Variants in SPEF2 observed in about 807,000 individuals in gnomAD.
SPEF2 encodes the protein sperm flagella and cilia-associated protein 2.
Under a neutral mutation model 224.6 loss-of-function variants are expected in SPEF2, and 187 were observed. The ratio of observed to expected loss-of-function variants is 0.83; its 90% CI spans 0.74 to 0.94. SPEF2 has a LOEUF of 0.94. Ranked by LOEUF, SPEF2 falls within the 40% of genes least tolerant of loss-of-function variation. SPEF2 has a pLI of 0.00. For synonymous variants in SPEF2, 715 were observed against 707.3 expected (o/e 1.01, Z -0.17); for missense variants, 2,170 against 2,135.6 (o/e 1.02, Z -0.32).
chr5:35,780,249 AAT>A (rs1754140889), intron 30 of SPEF2, among the ~76,000 whole-genome samples: 1 of 152,220 alleles, frequency 6.6e-6, no homozygotes, highest in Non-Finnish European at 1.5e-5. Flanking sequence ...GTATTAATAC[AAT>A]GTTACTTTTT....
At chr5:35,637,631 C>G (rs1310720909) in intron 2 of SPEF2, among the ~76,000 whole-genome samples, 1 of 151,874 alleles carries the variant, frequency 6.6e-6, no homozygotes, top group Non-Finnish European at 1.5e-5. Context: ...CCCTTTTTTG[C>G]TAATCCCATC....
chr5:35,658,965 C>T (rs1749326891), intron 7 of SPEF2, 54 bp from the exon 8 acceptor site: 2 of 1,404,002 alleles, frequency 1.4e-6, no homozygotes, highest in Admixed American at 2.4e-5. Flanking sequence ...GGCTTCGTAG[C>T]TCAGCGGGAA....
At chr5:35,683,628 A>G (rs1267760818) in intron 10 of SPEF2, among the ~76,000 whole-genome samples, 1 of 152,170 alleles carries the variant, frequency 6.6e-6, no homozygotes, top group Non-Finnish European at 1.5e-5. Flanking sequence ...TCGTCTCAAA[A>G]CAAACAAACA....
chr5:35,715,381 T>TA (rs1307620189), intron 20 of SPEF2, among the ~76,000 whole-genome samples: 33 of 148,960 alleles, frequency 2.2e-4, no homozygotes, highest in East Asian at 1.6e-3. Context: ...CTTCCAGTTT[T>TA]AAAAAAAAAA....
chr5:35,751,011 A>G (rs1216110680), intron 23 of SPEF2, among the ~76,000 whole-genome samples: 11 of 113,292 alleles, frequency 9.7e-5, no homozygotes, highest in African/African-American at 4.1e-4. Flanking sequence ...ATATATATAT[A>G]CGTATATATA....
In SPEF2 at chr5:35,761,614, T is replaced by G. The variant is rs192206808; in HGVS notation, c.3620+1895T>G. ...AAGAATATCTAAGAGTAAAAATGTGTCCCCTCTTTTTGACACAAATAGAAG... is the reference window on the plus strand; with the variant it reads ...AAGAATATCTAAGAGTAAAAATGTGGCCCCTCTTTTTGACACAAATAGAAG... On this transcript the variant is annotated intron_variant, in intron 25 of 36. Coordinates refer to ENST00000356031, the MANE Select transcript of SPEF2 (RefSeq NM_024867.4). Among the ~76,000 whole-genome samples the G allele has an allele frequency of 4.6e-5, 7 of 152,104 alleles. No homozygotes were observed. The East Asian group carries it at 1.2e-3, about 25-fold the overall frequency.
At chr5:35,675,421 T>C (rs899585782) in intron 10 of SPEF2, among the ~76,000 whole-genome samples, 2 of 152,226 alleles carry the variant, frequency 1.3e-5, no homozygotes, top group African/African-American at 4.8e-5. Context: ...GCAATTTCTT[T>C]TCTCATTTGT....
At chr5:35,654,419 A>G (rs1368275253) in intron 6 of SPEF2, 121 bp from the exon 7 acceptor site, 1 of 718,480 alleles carries the variant, frequency 1.4e-6, no homozygotes, top group Non-Finnish European at 2.1e-6. Flanking sequence ...CAATGCTTGT[A>G]TTAATAAATT....
At chr5:35,731,816 A>C (rs1393207683) in intron 21 of SPEF2, among the ~76,000 whole-genome samples, 2 of 152,172 alleles carry the variant, frequency 1.3e-5, no homozygotes, top group Non-Finnish European at 2.9e-5. Flanking sequence ...AGCTCTGAGC[A>C]CCTCATTACA....
intron 31 of SPEF2, 120 bp from the exon 32 acceptor site, chr5:35,793,039 A>G (rs1756171298): frequency 1.4e-5 from 12 of 827,778 alleles, no homozygotes; most frequent in Non-Finnish European, 2.1e-5. Context: ...AACTGATTCT[A>G]TGTGCCAGTG....
In SPEF2 at chr5:35,793,311, G is replaced by A. The variant is rs1445998876; in HGVS notation, c.4707G>A (p.Leu1569=). The A allele has an allele frequency of 1.9e-6, 3 of 1,613,834 alleles. No individual in the cohort carries two copies. Among genetic ancestry groups the A allele is most frequent in the Non-Finnish European group, 2.5e-6 (3 of 1,179,902 alleles). The change falls in exon 32 of 37, where the codon TTG becomes TTA. Residue 1569 remains leucine (L), a synonymous_variant. Coordinates refer to ENST00000356031, the MANE Select transcript of SPEF2 (RefSeq NM_024867.4). Reference sequence around the variant, plus strand: ...TCAAGGCTGTGGATAAGGAGCAGTTGGGCACCATCACTTTTGAGCAGTATA... The same window carrying A: ...TCAAGGCTGTGGATAAGGAGCAGTTAGGCACCATCACTTTTGAGCAGTATA... The part of the protein sequence containing the change: ...QKFKAVDKEQ[L]GTITFEQYMQ...
intron 7 of SPEF2, among the ~76,000 whole-genome samples, chr5:35,658,246 G>GT (rs929266401): frequency 4.6e-5 from 7 of 151,972 alleles, no homozygotes; most frequent in Admixed American, 3.3e-4. Flanking sequence ...CCAGTTTAAT[G>GT]TTTTTTTTCC....
intron 2 of SPEF2, among the ~76,000 whole-genome samples, chr5:35,635,433 C>A (rs1745699772): frequency 6.6e-6 from 1 of 152,106 alleles, no homozygotes; most frequent in South Asian, 2.1e-4. Flanking sequence ...ATAACTTTAC[C>A]ATGAAATATC....
chr5:35,744,274 T>C (rs931300173), intron 23 of SPEF2, among the ~76,000 whole-genome samples: 1 of 152,232 alleles, frequency 6.6e-6, no homozygotes, highest in African/African-American at 2.4e-5. Flanking sequence ...CAATTAATAG[T>C]TATGAATCTC....
chr5:35,667,598 G>A (rs542639608), intron 9 of SPEF2, among the ~76,000 whole-genome samples: 1 of 152,192 alleles, frequency 6.6e-6, no homozygotes, highest in East Asian at 1.9e-4. Flanking sequence ...GACACCAAAA[G>A]CATGATCCAT....
At chr5:35,733,569 GT>G (rs1561278392) in intron 21 of SPEF2, among the ~76,000 whole-genome samples, 1 of 152,214 alleles carries the variant, frequency 6.6e-6, no homozygotes, top group African/African-American at 2.4e-5. Context: ...CTGAGAGATT[GT>G]CTCAGTGCAT....
At chr5:35,652,303 A>T (rs530293175) in intron 6 of SPEF2, among the ~76,000 whole-genome samples, 1 of 152,320 alleles carries the variant, frequency 6.6e-6, no homozygotes, top group African/African-American at 2.4e-5. Context: ...CAGCATAAAT[A>T]TTGTGTTGAG....
rs1314895640 is a variant in SPEF2, at chr5:35,800,064, G to A, written c.4927G>A (p.Glu1643Lys). The change falls in exon 34 of 37, where the codon GAA (glutamate) becomes AAA (lysine). Residue 1643 changes from glutamate to lysine, a missense_variant. Glu to Lys is a moderately conservative substitution (Grantham distance 56, BLOSUM62 1). Transcript: ENST00000356031. ...LYFACHPDTVEGVYRALSVAV... is the reference protein window; with the variant it reads ...LYFACHPDTVKGVYRALSVAV... ...CTTTGCTTGCCACCCAGACACCGTGGAAGGAGTCTACAGGGCCCTCAGTGT... is the reference window on the plus strand; with the variant it reads ...CTTTGCTTGCCACCCAGACACCGTGAAAGGAGTCTACAGGGCCCTCAGTGT... The A allele has an allele frequency of 1.2e-6, 2 of 1,614,118 alleles. No individual in the cohort carries two copies. The highest frequency in any genetic ancestry group is 1.7e-5 in the Admixed American group (1 of 60,018).
At position 35,751,080 on chromosome 5, in the gene SPEF2, C is replaced by CGTATATATATATACGTATATATAT. The variant is rs1749529999; in HGVS notation, c.3331-2544_3331-2543insGTATATATATATACGTATATATAT. 4.6e-5 allele frequency among the ~76,000 whole-genome samples: 2 copies of CGTATATATATATACGTATATATAT among 43,756 alleles called. 1 individual carries two copies. The highest frequency in any genetic ancestry group is 9.1e-5 in the Non-Finnish European group (2 of 21,988). The allele number at this position is 43,756 out of a possible 152,430, so 28.7% of individuals were successfully genotyped here. A position where few individuals can be genotyped will look rare whatever the true frequency, so the allele number is the denominator to read the frequency against. ...ACGTATATATATGTATATATATATA[C>CGTATATATATATACGTATATATAT]ACACACACACACACACATATATATA... is the stretch of plus-strand genomic sequence containing the variant. On this transcript the variant is annotated intron_variant, in intron 23 of 36. Transcript: ENST00000356031.
Sources: allele counts gnomAD v4.1 joint callset (sites outside exome capture counted in the v4.1 genomes callset), GRCh38; gene constraint gnomAD v4.1.1; transcripts MANE v1.5; gene names NCBI Gene and HGNC (gene_info 2026-07-23, HGNC 2026-07-21).